KAZN: variants seen among roughly 807,000 people sequenced by gnomAD.
KAZN encodes the protein kazrin, periplakin interacting protein.
Under a neutral mutation model 87.4 loss-of-function variants are expected in KAZN, and 40 were observed. The ratio of observed to expected loss-of-function variants is 0.46; its 90% CI spans 0.36 to 0.60. KAZN has a LOEUF of 0.60. Among genes scored for constraint, KAZN ranks in the 20% least tolerant of loss-of-function variants. KAZN has a pLI of 0.00. For synonymous variants in KAZN, 466 were observed against 458.3 expected, an observed-to-expected ratio of 1.02 and a Z score of -0.22; for missense variants, 898 against 1,073.9, an observed-to-expected ratio of 0.84 and a Z score of 2.29.
chr1:14,953,573 T>C (rs1662751627), intron 1 of KAZN, among the ~76,000 whole-genome samples: 1 of 152,226 alleles, frequency 6.6e-6, no homozygotes, highest in South Asian at 2.1e-4. Context: ...ACTAGTTAAG[T>C]AGGTAAAATA....
intron 1 of KAZN, among the ~76,000 whole-genome samples, chr1:13,963,605 C>T (rs943118678): frequency 1.3e-5 from 2 of 152,186 alleles, no homozygotes; most frequent in African/African-American, 2.4e-5. Flanking sequence ...ATAGAATTTT[C>T]TAAGTAAGTA....
chr1:14,905,251 G>T (rs547374791), intron 1 of KAZN, among the ~76,000 whole-genome samples: 18 of 152,222 alleles, frequency 1.2e-4, no homozygotes, highest in African/African-American at 4.3e-4. Context: ...TAGAAATGGG[G>T]TTTCACCATA....
chr1:14,576,085 A>G (rs1214268811), intron 2 of KAZN, among the ~76,000 whole-genome samples: 1 of 152,236 alleles, frequency 6.6e-6, no homozygotes, highest in Non-Finnish European at 1.5e-5. Context: ...GAGTTGGGAG[A>G]TGAATGTGAG....
At chr1:14,074,630 A>G (rs1246537201) in intron 1 of KAZN, among the ~76,000 whole-genome samples, 1 of 152,150 alleles carries the variant, frequency 6.6e-6, no homozygotes, top group Non-Finnish European at 1.5e-5. Flanking sequence ...AGGGCCCTCT[A>G]CAGAGGACAG....
chr1:14,464,516 C>T (rs577219973), intron 2 of KAZN, among the ~76,000 whole-genome samples: 41 of 151,948 alleles, frequency 2.7e-4, no homozygotes, highest in African/African-American at 9.7e-4. Context: ...TTTGAGACCC[C>T]TAGTCTAAAT....
chr1:15,044,008 A>G lies in KAZN; in HGVS notation c.575A>G (p.Lys192Arg), dbSNP rs1456856544. 3.7e-6 allele frequency: 6 copies of G among 1,611,116 alleles called. No homozygotes were observed. Residue 192 changes from lysine to arginine, a missense_variant, in exon 4 of 15, where the codon AAA becomes AGA. Lys to Arg is a conservative substitution (Grantham distance 26). Around this residue, in one of 3 missense-constraint regions of KAZN, gnomAD observed 521 missense variants for 689.4 expected, o/e 0.76. Coordinates refer to ENST00000376030, the MANE Select transcript of KAZN (RefSeq NM_201628.3). ...CCACAGGAGAGCGAGGATGCGGTCA[A>G]AGCGCTGGCCAAGGAGAAGGACCTG... is the stretch of plus-strand genomic sequence containing the variant. Reference protein sequence around the residue: ...QHRKESEDAVKALAKEKDLLE... With the variant: ...QHRKESEDAVRALAKEKDLLE...
chr1:14,237,019 A>G (rs1446972698), intron 2 of KAZN, among the ~76,000 whole-genome samples: 1 of 152,326 alleles, frequency 6.6e-6, no homozygotes, highest in Middle Eastern at 3.4e-3. Context: ...AAACTAACCT[A>G]CAGGGGCATA....
intron 2 of KAZN, among the ~76,000 whole-genome samples, chr1:14,201,755 G>A (rs1380111397): frequency 2.0e-5 from 3 of 152,170 alleles, no homozygotes; most frequent in Non-Finnish European, 2.9e-5. Flanking sequence ...TGCAACCTCC[G>A]CATCCCAGGT....
chr1:14,862,232 G>A (rs1265900678), intron 1 of KAZN, among the ~76,000 whole-genome samples: 1 of 152,218 alleles, frequency 6.6e-6, no homozygotes, highest in Non-Finnish European at 1.5e-5. Context: ...CATAACAAAT[G>A]TGTGAACCAA....
At chr1:14,099,746 A>G (rs1644207831) in intron 1 of KAZN, among the ~76,000 whole-genome samples, 1 of 152,166 alleles carries the variant, frequency 6.6e-6, no homozygotes, top group African/African-American at 2.4e-5. Flanking sequence ...CTGCCTTTTA[A>G]AAGTGGCCGC....
intron 1 of KAZN, among the ~76,000 whole-genome samples, chr1:14,889,203 C>T (rs190471874): frequency 6.6e-6 from 1 of 152,274 alleles, no homozygotes; most frequent in Non-Finnish European, 1.5e-5. Flanking sequence ...TGTCACAAGC[C>T]CACATCTGCC....
intron 1 of KAZN, among the ~76,000 whole-genome samples, chr1:14,737,742 G>C (rs922377901): frequency 6.6e-6 from 1 of 152,180 alleles, no homozygotes; most frequent in African/African-American, 2.4e-5. Context: ...CTTTGCAGCT[G>C]TAAGACTGAG....
At chr1:14,455,910 T>C (rs1326545645) in intron 2 of KAZN, among the ~76,000 whole-genome samples, 6 of 152,204 alleles carry the variant, frequency 3.9e-5, no homozygotes, top group Admixed American at 2.6e-4. Context: ...AAATGTCCCT[T>C]AGAGATAGCA....
intron 2 of KAZN, among the ~76,000 whole-genome samples, chr1:14,528,273 G>C (rs1425092881): frequency 1.4e-5 from 2 of 145,782 alleles, no homozygotes; most frequent in Non-Finnish European, 3.0e-5. Flanking sequence ...GAGAGGTGGA[G>C]GTTGCAGTGA....
intron 1 of KAZN, among the ~76,000 whole-genome samples, chr1:14,724,120 T>A (rs1471898710): frequency 6.6e-6 from 1 of 152,230 alleles, no homozygotes; most frequent in Non-Finnish European, 1.5e-5. Flanking sequence ...CAGGGCAAGA[T>A]GCTACCAGTG....
intron 2 of KAZN, among the ~76,000 whole-genome samples, chr1:14,182,937 C>G (rs965692277): frequency 6.6e-6 from 1 of 152,066 alleles, no homozygotes; most frequent in Admixed American, 6.5e-5. Flanking sequence ...AGGATGTAAG[C>G]CTTTCAAGGG....
At chr1:14,580,106 G>A (rs553725411) in intron 2 of KAZN, among the ~76,000 whole-genome samples, 51 of 152,262 alleles carry the variant, frequency 3.3e-4, no homozygotes, top group Admixed American at 1.4e-3. Flanking sequence ...TTCACTGACC[G>A]TCACTGGGAC....
intron 1 of KAZN, among the ~76,000 whole-genome samples, chr1:14,620,940 G>A (rs1309940358): frequency 6.6e-6 from 1 of 152,098 alleles, no homozygotes; most frequent in Non-Finnish European, 1.5e-5. Context: ...CCCATTTGTT[G>A]GGATAGATGG....
chr1:14,584,202 G>T (rs928086997), intron 2 of KAZN, among the ~76,000 whole-genome samples: 1 of 152,226 alleles, frequency 6.6e-6, no homozygotes, highest in African/African-American at 2.4e-5. Context: ...TATACACAAG[G>T]CCTGGTCAAT....
Sources: allele counts gnomAD v4.1 joint callset (sites outside exome capture counted in the v4.1 genomes callset), GRCh38; gene constraint gnomAD v4.1.1; regional missense constraint gnomAD v4.1.1; transcripts MANE v1.5; gene names NCBI Gene and HGNC (gene_info 2026-07-23, HGNC 2026-07-21).